Variants in DNAH7 observed in about 807,000 individuals in gnomAD.
DNAH7 encodes the protein dynein axonemal heavy chain 7.
A neutral mutation model predicts 444.6 loss-of-function variants in DNAH7; 397 were observed. That is an observed-to-expected ratio of 0.89 (90% confidence interval 0.82 to 0.97). The LOEUF (loss-of-function observed/expected upper bound fraction) is 0.97, where lower values mean the gene tolerates loss of function less well. Among genes scored for constraint, DNAH7 ranks in the 50% least tolerant of loss-of-function variants. The pLI, the probability that DNAH7 is intolerant of heterozygous loss-of-function variation, is 0.00. For missense variants in DNAH7, 4,902 were observed against 4,800.8 expected (o/e 1.02, Z -0.62); for synonymous variants, 1,636 against 1,624.4 (o/e 1.01, Z -0.17).
At chr2:195,932,220 T>C (rs1688748257) in intron 21 of DNAH7, among the ~76,000 whole-genome samples, 1 of 152,058 alleles carries the variant, frequency 6.6e-6, no homozygotes, top group African/African-American at 2.4e-5. Flanking sequence ...TTTGGCTCTC[T>C]GTCTGTTGTT....
chr2:195,923,959 T>C (rs1392908121), intron 22 of DNAH7, 152 bp from the exon 23 acceptor site: 2 of 757,278 alleles, frequency 2.6e-6, no homozygotes, highest in Non-Finnish European at 4.2e-6. Context: ...TTTTTCTGAC[T>C]ACAAAGATAC....
rs1016282613 is a variant in DNAH7, at chr2:195,834,246, A to G, written c.9060T>C (p.Tyr3020=). The G allele has an allele frequency of 1.9e-6, 3 of 1,608,630 alleles. No homozygotes were observed. Among genetic ancestry groups the G allele is most frequent in the African/African-American group, 1.3e-5 (1 of 74,996 alleles). The change falls in exon 48 of 65, where the codon TAT becomes TAC. Residue 3020 remains tyrosine (Y), a synonymous_variant. Coordinates refer to ENST00000312428, the MANE Select transcript of DNAH7 (RefSeq NM_018897.3). ...LYVIKLSEPD[Y]VRTLENCIQF... ...GGATGCAATTTTCCAGAGTCCTGAC[A>G]TAGTCAGGTTCACTAAGTTTAATCA...
Position 195,888,368 on chromosome 2 carries a change from A to C in DNAH7, c.5296T>G (p.Trp1766Gly), listed in dbSNP as rs1433729643. The part of the protein sequence containing the change: ...MLGWRPLMLS[W>G]VNLLPASVSV... ...ACTGACGCAGGTAACAGATTCACCC[A>C]GGACAACATCAGTGGTCTCCAGCCT... The change falls in exon 33 of 65, where the codon TGG becomes GGG. Residue 1766 changes from tryptophan (W) to glycine (G), a missense_variant. Coordinates refer to ENST00000312428, the MANE Select transcript of DNAH7 (RefSeq NM_018897.3). 3 of 1,609,094 alleles carry C rather than the reference A, an allele frequency of 1.9e-6. No homozygotes were observed. The highest frequency in any genetic ancestry group is 2.5e-6 in the Non-Finnish European group (3 of 1,178,554).
chr2:195,740,583 ATATGTGTGTGTGTGTG>A (rs1290910703), intron 64 of DNAH7, among the ~76,000 whole-genome samples, 167 bp downstream of exon 64: 17 of 71,328 alleles, frequency 2.4e-4, no homozygotes, highest in Admixed American at 5.5e-4. Flanking sequence ...AATTGACTGT[ATATGTGTGTGTGTGTG>A]TGTGTGTGTG....
chr2:195,931,617 A>G (rs1248044595), intron 21 of DNAH7, among the ~76,000 whole-genome samples: 1 of 151,774 alleles, frequency 6.6e-6, no homozygotes, highest in Non-Finnish European at 1.5e-5. Context: ...TAAGGAAGGG[A>G]TCCAGTTTCA....
chr2:195,815,268 A>T (rs1697167818), intron 51 of DNAH7, among the ~76,000 whole-genome samples: 1 of 151,544 alleles, frequency 6.6e-6, no homozygotes, highest in Admixed American at 6.6e-5. Flanking sequence ...AGATGAATAA[A>T]CTCTATCATT....
intron 49 of DNAH7, 53 bp downstream of exon 49, chr2:195,824,202 T>C (rs1559122221): frequency 6.6e-7 from 1 of 1,505,554 alleles, no homozygotes; most frequent in Non-Finnish European, 9.0e-7. Context: ...AGGAGGAATA[T>C]ATAGTCACTA....
intron 63 of DNAH7, among the ~76,000 whole-genome samples, chr2:195,750,934 CTTTTAA>C (rs1370170147): frequency 1.3e-5 from 2 of 152,092 alleles, no homozygotes; most frequent in African/African-American, 4.8e-5. Context: ...TCTAACTATA[CTTTTAA>C]TTTTATGAGG....
Position 195,910,301 on chromosome 2 carries a change from C to A in DNAH7, c.3936-106G>T, listed in dbSNP as rs185977167. ...AATTGAGAACCAAACCTCCAGCTTCCTCTTTGATAATTTCTTCCTTCCCAG... is the reference window on the plus strand; with the variant it reads ...AATTGAGAACCAAACCTCCAGCTTCATCTTTGATAATTTCTTCCTTCCCAG... On this transcript the variant is annotated intron_variant, in intron 24 of 64. Coordinates refer to ENST00000312428, the MANE Select transcript of DNAH7 (RefSeq NM_018897.3). 93 of 885,596 alleles carry A rather than the reference C, an allele frequency of 1.1e-4. No homozygotes were observed. The East Asian group carries it at 2.5e-3, about 24-fold the overall frequency. 54.9% of individuals were successfully genotyped at this position (885,596 alleles called of 1,614,324 possible).
rs142599156 is a variant in DNAH7, at chr2:195,820,604, G to C, written c.9292-2775C>G. ...CCTAATGAAAGGAGGTTCCTTAATAGAAAGTACTTTCCCAAACCCAGATAA... is the reference window on the plus strand; with the variant it reads ...CCTAATGAAAGGAGGTTCCTTAATACAAAGTACTTTCCCAAACCCAGATAA... On this transcript the variant is annotated intron_variant, in intron 49 of 64. Transcript: ENST00000312428. Among the ~76,000 whole-genome samples, 9 of 152,124 alleles carry C rather than the reference G, an allele frequency of 5.9e-5. No individual in the cohort carries two copies. In the East Asian group the frequency reaches 1.7e-3, roughly 29 times the overall value.
At chr2:195,912,374 T>C (rs1052716206) in intron 24 of DNAH7, among the ~76,000 whole-genome samples, 2 of 152,128 alleles carry the variant, frequency 1.3e-5, no homozygotes, top group African/African-American at 4.8e-5. Flanking sequence ...GATGGCAGAA[T>C]GGGAGAAAAG....
At chr2:196,037,125 G>T (rs186368272) in intron 5 of DNAH7, among the ~76,000 whole-genome samples, 1 of 152,248 alleles carries the variant, frequency 6.6e-6, no homozygotes, top group East Asian at 1.9e-4. Flanking sequence ...TAAGTAATTT[G>T]CAGACACTAC....
At chr2:195,757,571 C>T (rs1434641156) in intron 61 of DNAH7, among the ~76,000 whole-genome samples, 1 of 152,270 alleles carries the variant, frequency 6.6e-6, no homozygotes, top group East Asian at 1.9e-4. Flanking sequence ...CTCAAAACCC[C>T]GCTAAAACAG....
At chr2:195,996,307 A>C (rs1693692853) in intron 12 of DNAH7, among the ~76,000 whole-genome samples, 1 of 152,244 alleles carries the variant, frequency 6.6e-6, no homozygotes, top group South Asian at 2.1e-4. Context: ...ATTGTAGGCA[A>C]GAATGGACCA....
chr2:195,803,742 T>C (rs1025672022), intron 54 of DNAH7, among the ~76,000 whole-genome samples: 1 of 152,238 alleles, frequency 6.6e-6, no homozygotes, highest in African/African-American at 2.4e-5. Context: ...TAACTTATAT[T>C]TGACAAGTTT....
intron 9 of DNAH7, among the ~76,000 whole-genome samples, chr2:196,015,428 T>C (rs1207882718): frequency 1.3e-5 from 2 of 152,228 alleles, no homozygotes; most frequent in African/African-American, 4.8e-5. Flanking sequence ...ATTTCATCTT[T>C]AAAATGAGCT....
chr2:195,963,603 T>G (rs1264182562), intron 17 of DNAH7, among the ~76,000 whole-genome samples: 1 of 152,144 alleles, frequency 6.6e-6, no homozygotes, highest in East Asian at 1.9e-4. Flanking sequence ...TGTGCAGAAG[T>G]TTTTAACTGG....
intron 47 of DNAH7, among the ~76,000 whole-genome samples, chr2:195,843,451 T>C (rs991603712): frequency 6.6e-6 from 1 of 152,210 alleles, no homozygotes. Flanking sequence ...AATTTAACTT[T>C]AGCTCCTGAA....
intron 28 of DNAH7, among the ~76,000 whole-genome samples, chr2:195,898,506 C>T (rs1023425423): frequency 1.3e-5 from 2 of 152,144 alleles, no homozygotes; most frequent in African/African-American, 4.8e-5. Context: ...AAAATTCCTT[C>T]TTTCTATGCT....
Sources: allele counts gnomAD v4.1 joint callset (sites outside exome capture counted in the v4.1 genomes callset), GRCh38; gene constraint gnomAD v4.1.1; transcripts MANE v1.5; gene names NCBI Gene and HGNC (gene_info 2026-07-23, HGNC 2026-07-21).